Variants in MYOM3 observed in about 807,000 individuals in gnomAD.
The protein encoded by MYOM3 is myomesin 3, also known as myomesin-3.
MYOM3 carries 155 observed loss-of-function variants against 191.7 expected under a neutral mutation model. That is an observed-to-expected ratio of 0.81 (90% CI 0.71 to 0.92). MYOM3 has a LOEUF of 0.92. Among genes scored for constraint, MYOM3 ranks in the 40% least tolerant of loss-of-function variants. The probability of loss-of-function intolerance (pLI) is 0.00; values close to 1 mark genes in which losing one functional copy is unlikely to be tolerated. For synonymous variants in MYOM3, 757 were observed against 762.9 expected (o/e 0.99, Z 0.13); for missense variants, 1,889 against 1,890.6 (o/e 1.00, Z 0.02).
intron 35 of MYOM3, 41 bp downstream of exon 35, chr1:24,061,018 CA>C: frequency 6.2e-7 from 1 of 1,613,632 alleles, no homozygotes; most frequent in Non-Finnish European, 8.5e-7. Flanking sequence ...AAGTTTGCCC[CA>C]AATTCAGAAA....
intron 11 of MYOM3, 138 bp downstream of exon 11, chr1:24,092,036 C>G (rs1227727855): frequency 2.4e-5 from 18 of 764,566 alleles, no homozygotes; most frequent in African/African-American, 3.6e-5. Flanking sequence ...ACAGCACAGC[C>G]TGTCTCCTGT....
intron 35 of MYOM3, among the ~76,000 whole-genome samples, chr1:24,060,018 T>C (rs1643350678): frequency 6.6e-6 from 1 of 152,172 alleles, no homozygotes; most frequent in African/African-American, 2.4e-5. Context: ...GACAAAATGA[T>C]TGTTTCCTTC....
intron 3 of MYOM3, 42 bp from the exon 4 acceptor site, chr1:24,107,274 G>A (rs1294927858): frequency 2.0e-6 from 3 of 1,533,602 alleles, no homozygotes; most frequent in Non-Finnish European, 2.6e-6. Context: ...AGGGATGGGG[G>A]ATGCCTGGGG....
chr1:24,084,992 A>G (rs1382056359), intron 15 of MYOM3, among the ~76,000 whole-genome samples: 3 of 152,038 alleles, frequency 2.0e-5, no homozygotes, highest in African/African-American at 7.3e-5. Flanking sequence ...AAATTTCTCT[A>G]CTGATTTTCA....
In MYOM3 at chr1:24,108,480, T is replaced by G. The variant is rs1317423715; in HGVS notation, c.157A>C (p.Ser53Arg). 2 of 1,557,854 alleles carry G rather than the reference T, an allele frequency of 1.3e-6. No individual in the cohort carries two copies. Among genetic ancestry groups the G allele is most frequent in the Middle Eastern group, 1.8e-4 (1 of 5,420 alleles). The change falls in exon 2 of 37, where the codon AGC becomes CGC. Residue 53 changes from serine (S) to arginine (R), a missense_variant. Coordinates refer to ENST00000374434, the MANE Select transcript of MYOM3 (RefSeq NM_152372.4). ...GSSVRRRTFR[S>R]SEEEHEFSAA... Reference sequence around the variant, plus strand: ...CGGGGACCCTGTGGCTCCCACCTGCTGCGGAAGGTCCGCCTCCGCACAGAG... The same window carrying G: ...CGGGGACCCTGTGGCTCCCACCTGCGGCGGAAGGTCCGCCTCCGCACAGAG...
chr1:24,058,316 C>T (rs1424878467), intron 36 of MYOM3, among the ~76,000 whole-genome samples: 1 of 152,162 alleles, frequency 6.6e-6, no homozygotes, highest in Non-Finnish European at 1.5e-5. Context: ...AGCTCTAATG[C>T]AGAGCACTAT....
At chr1:24,084,430 C>T in intron 16 of MYOM3, 38 bp downstream of exon 16, 1 of 1,606,022 alleles carries the variant, frequency 6.2e-7, no homozygotes, top group Non-Finnish European at 8.5e-7. Context: ...GTCTTTATAG[C>T]AGTGTGAGAA....
At chr1:24,082,211 G>A (rs1643679030) in intron 17 of MYOM3, 23 bp from the exon 18 acceptor site, 3 of 1,578,248 alleles carry the variant, frequency 1.9e-6, no homozygotes, top group South Asian at 2.4e-5. Context: ...AAGGAGGTGA[G>A]GACAGCTGCT....
At chr1:24,104,725 T>G (rs1429559040) in intron 5 of MYOM3, among the ~76,000 whole-genome samples, 2 of 152,172 alleles carry the variant, frequency 1.3e-5, no homozygotes, top group East Asian at 3.9e-4. Flanking sequence ...ATTTTTAAAT[T>G]TCCTGTAGAG....
At chr1:24,066,026 ACT>A (rs757373723) in intron 28 of MYOM3, 25 bp from the exon 29 acceptor site, 1 of 1,463,002 alleles carries the variant, frequency 6.8e-7, no homozygotes, top group South Asian at 1.1e-5. Flanking sequence ...GAATGAGGAG[ACT>A]CTGTCAGGCT....
intron 27 of MYOM3, among the ~76,000 whole-genome samples, chr1:24,067,515 T>C (rs1232723148): frequency 3.3e-5 from 5 of 150,856 alleles, no homozygotes; most frequent in Non-Finnish European, 7.4e-5. Flanking sequence ...TAGGCTAGAG[T>C]GCAGTGGCGC....
At chr1:24,080,533 A>G (rs902363330) in intron 19 of MYOM3, among the ~76,000 whole-genome samples, 3 of 152,076 alleles carry the variant, frequency 2.0e-5, no homozygotes, top group African/African-American at 7.2e-5. Flanking sequence ...CTAGAGTCAG[A>G]CCTCTGGGGT....
chr1:24,067,371 TCC>T (rs1491055771), intron 27 of MYOM3, among the ~76,000 whole-genome samples: 1 of 116,730 alleles, frequency 8.6e-6, no homozygotes, highest in Non-Finnish European at 1.7e-5. Context: ...TTTCTTTCTT[TCC>T]TTCTTTCTTT....
chr1:24,062,525 A>G (rs1197463994), intron 32 of MYOM3, among the ~76,000 whole-genome samples: 2 of 152,270 alleles, frequency 1.3e-5, no homozygotes, highest in East Asian at 3.9e-4. Flanking sequence ...TCTGCTCCAC[A>G]AGGCTGAGGC....
chr1:24,111,043 A>G lies in MYOM3; in HGVS notation c.-19+988T>C, dbSNP rs1232691032. 2.0e-5 allele frequency among the ~76,000 whole-genome samples: 3 copies of G among 152,148 alleles called. No individual in the cohort carries two copies. The highest frequency in any genetic ancestry group is 4.4e-5 in the Non-Finnish European group (3 of 68,028). ...TGACCTCGGGGCCTCCAGCAACCAG[A>G]CCCCTGGCTTTAGCGGATGAGCTAC... is the stretch of plus-strand genomic sequence containing the variant. On this transcript the variant is annotated intron_variant, in intron 1 of 36. Coordinates refer to ENST00000374434, the MANE Select transcript of MYOM3 (RefSeq NM_152372.4). This position sits in a 1 kb window ranked among gnomAD's most constrained non-coding sequence, Gnocchi z 4.7.
chr1:24,082,301 G>C, intron 17 of MYOM3, 113 bp from the exon 18 acceptor site: 1 of 1,072,590 alleles, frequency 9.3e-7, no homozygotes, highest in East Asian at 2.6e-5. Flanking sequence ...CCTACTCCAG[G>C]GGTTTTTCCC....
At chr1:24,090,445 G>A (rs115975545) in intron 12 of MYOM3, among the ~76,000 whole-genome samples, 1,891 of 152,304 alleles carry the variant, frequency 0.012, 34 homozygotes, top group African/African-American at 0.043. Flanking sequence ...AGGGCTGAGA[G>A]GAGGCCGTGT....
Position 24,092,321 on chromosome 1 carries a change from AC to A in MYOM3, c.1091-7del, listed in dbSNP as rs749832459. The A allele has an allele frequency of 1.5e-6, 2 of 1,347,268 alleles. No homozygotes were observed. The highest frequency in any genetic ancestry group is 1.9e-6 in the Non-Finnish European group (2 of 1,040,268). The allele number at this position is 1,347,268 out of a possible 1,614,324, so 83.5% of individuals were successfully genotyped here. ...GGGGTTCTCGGCCTCGGCATCTGAA[AC>A]CCGGGGGTGAGAGGGAGGCCCTTCT... On this transcript the variant is annotated splice_polypyrimidine_tract_variant and splice_region_variant and intron_variant, in intron 10 of 36. Coordinates refer to ENST00000374434, the MANE Select transcript of MYOM3 (RefSeq NM_152372.4).
In MYOM3 at chr1:24,063,192, C is replaced by G; in HGVS notation, c.3704G>C (p.Gly1235Ala). 1 of 1,614,006 alleles carries G rather than the reference C, an allele frequency of 6.2e-7. No individual in the cohort carries two copies. The change falls in exon 32 of 37, where the codon GGG becomes GCG. Residue 1235 changes from glycine to alanine, a missense_variant. Gly to Ala is a moderately conservative substitution (Grantham distance 60). Transcript: ENST00000374434. The surrounding 1 kb of genome is among the most constrained non-coding windows in gnomAD (Gnocchi z 4.5). The part of the protein sequence containing the change: ...TPLKIQGTEE[G>A]IRIFSKVKYY... ...CTTGACCTTGCTGAAGATCCGGATCCCTTCCTCGGTCCCCTGGATTTTCAG... is the reference window on the plus strand; with the variant it reads ...CTTGACCTTGCTGAAGATCCGGATCGCTTCCTCGGTCCCCTGGATTTTCAG...
Sources: gnomAD v4.1 joint callset for allele counts (sites outside exome capture counted in the v4.1 genomes callset) on GRCh38, gnomAD v4.1.1 for gene constraint, Gnocchi (gnomAD v3.1) non-coding constraint, MANE v1.5 for transcripts, NCBI Gene and HGNC (gene_info 2026-07-23, HGNC 2026-07-21) for gene names.